The following ESRRB variants were observed in gnomAD, a reference collection of about 807,000 sequenced individuals.
The protein encoded by ESRRB is steroid hormone receptor ERR2.
A neutral mutation model predicts 46.0 loss-of-function variants in ESRRB; 16 were observed. That is an observed-to-expected ratio of 0.35 (90% CI 0.24 to 0.53). ESRRB has a LOEUF of 0.53. ESRRB is among the 20% of genes least tolerant of loss of function. The probability of loss-of-function intolerance (pLI) is 0.93; values close to 1 mark genes in which losing one functional copy is unlikely to be tolerated. For missense variants in ESRRB, 488 were observed against 607.4 expected (o/e 0.80, Z 2.07); for synonymous variants, 246 against 259.6 (o/e 0.95, Z 0.50).
At chr14:76,405,937 T>C (rs140961585) in intron 1 of ESRRB, among the ~76,000 whole-genome samples, 1 of 151,930 alleles carries the variant, frequency 6.6e-6, no homozygotes, top group Admixed American at 6.6e-5. Flanking sequence ...GGAAAGAAAA[T>C]CTAACCTATA....
At chr14:76,384,151 T>G (rs1885125980) in intron 1 of ESRRB, among the ~76,000 whole-genome samples, 1 of 152,142 alleles carries the variant, frequency 6.6e-6, no homozygotes, top group African/African-American at 2.4e-5. Context: ...AGCGCAGTAT[T>G]TATCCTCTTA....
chr14:76,446,692 C>A (rs151109431), intron 2 of ESRRB, among the ~76,000 whole-genome samples: 28 of 152,292 alleles, frequency 1.8e-4, no homozygotes, highest in African/African-American at 6.0e-4. Flanking sequence ...TAATATCTTT[C>A]TGGTTAGGAT....
At chr14:76,367,977 G>A (rs1305523115), upstream of ESRRB, among the ~76,000 whole-genome samples, 1 of 128,170 alleles carries the variant, frequency 7.8e-6, no homozygotes, top group Non-Finnish European at 1.6e-5. Context: ...TTTTGAGACG[G>A]AGTCTCGCTC....
upstream of ESRRB, among the ~76,000 whole-genome samples, chr14:76,374,268 G>A (rs184439854): frequency 1.3e-5 from 2 of 152,356 alleles, no homozygotes; most frequent in Admixed American, 6.5e-5. Flanking sequence ...TGAGGGAAGG[G>A]TGGAGGAGGG....
chr14:76,359,684 G>A (rs1433451074), intron 1 of ESRRB, among the ~76,000 whole-genome samples: 2 of 152,176 alleles, frequency 1.3e-5, no homozygotes, highest in African/African-American at 4.8e-5. Flanking sequence ...CCCACAGGGA[G>A]GAGGCAGAAT....
At chr14:76,485,319 C>A (rs1261621068) in intron 5 of ESRRB, among the ~76,000 whole-genome samples, 1 of 146,216 alleles carries the variant, frequency 6.8e-6, no homozygotes, top group South Asian at 2.2e-4. Flanking sequence ...CGGCTCACTG[C>A]AATCTCCTCC....
chr14:76,454,624 A>G (rs978721883), intron 2 of ESRRB, among the ~76,000 whole-genome samples: 2 of 152,068 alleles, frequency 1.3e-5, no homozygotes, highest in Admixed American at 6.6e-5. Context: ...GAACTATTAT[A>G]CTTACTGACA....
chr14:76,331,186 G>T (rs1017382687), intron 1 of ESRRB, among the ~76,000 whole-genome samples: 1 of 152,144 alleles, frequency 6.6e-6, no homozygotes, highest in East Asian at 1.9e-4. Flanking sequence ...CATTAGAAAT[G>T]ACTTCTGACC....
At chr14:76,419,946 C>T (rs1346498909) in intron 1 of ESRRB, among the ~76,000 whole-genome samples, 2 of 152,120 alleles carry the variant, frequency 1.3e-5, no homozygotes, top group Non-Finnish European at 2.9e-5. Context: ...GGGTCTGTCT[C>T]ATGGGTCAGG....
intron 5 of ESRRB, among the ~76,000 whole-genome samples, chr14:76,483,479 C>T (rs909652146): frequency 2.6e-5 from 4 of 152,182 alleles, no homozygotes; most frequent in Non-Finnish European, 4.4e-5. Context: ...GTGTGTGTTC[C>T]ATGTTTCAGG....
intron 1 of ESRRB, among the ~76,000 whole-genome samples, chr14:76,417,297 C>G (rs532697790): frequency 2.0e-5 from 3 of 152,180 alleles, no homozygotes; most frequent in South Asian, 4.2e-4. Flanking sequence ...TGCAAAGGCC[C>G]TGGGATGGTG....
chr14:76,490,461 T>G (rs572964758), intron 5 of ESRRB, among the ~76,000 whole-genome samples: 5 of 152,218 alleles, frequency 3.3e-5, no homozygotes, highest in African/African-American at 4.8e-5. Flanking sequence ...ACTTTGTATA[T>G]TCTGGAATCA....
chr14:76,338,448 A>G (rs1366143143), intron 1 of ESRRB, among the ~76,000 whole-genome samples: 1 of 152,202 alleles, frequency 6.6e-6, no homozygotes, highest in African/African-American at 2.4e-5. Context: ...GACATCTGTT[A>G]TTCATCAAAG....
chr14:76,355,127 G>A (rs1884364163), intron 1 of ESRRB, among the ~76,000 whole-genome samples: 1 of 152,198 alleles, frequency 6.6e-6, no homozygotes, highest in African/African-American at 2.4e-5. Context: ...TTCCTCCTCG[G>A]ATGGGTCTTT....
At chr14:76,490,310 A>G (rs1890174524) in intron 5 of ESRRB, among the ~76,000 whole-genome samples, 1 of 151,814 alleles carries the variant, frequency 6.6e-6, no homozygotes, top group Non-Finnish European at 1.5e-5. Context: ...TTATTTACTT[A>G]CTCTCTCTTA....
intron 2 of ESRRB, among the ~76,000 whole-genome samples, chr14:76,449,747 T>C (rs551853080): frequency 6.7e-6 from 1 of 148,686 alleles, no homozygotes; most frequent in South Asian, 2.1e-4. Flanking sequence ...CAATTTTCTC[T>C]CTTTTTTTCT....
At chr14:76,400,407 G>A (rs1396633260) in intron 1 of ESRRB, among the ~76,000 whole-genome samples, 5 of 152,224 alleles carry the variant, frequency 3.3e-5, no homozygotes, top group Admixed American at 2.6e-4. Flanking sequence ...TGAACAAAAT[G>A]AGGGAAATGA....
chr14:76,411,630 G>A (rs73316400), intron 1 of ESRRB, among the ~76,000 whole-genome samples: 8,246 of 152,206 alleles, frequency 0.054, 698 homozygotes, highest in African/African-American at 0.19. Context: ...GGAGGATGCT[G>A]GTGGCAGCAC....
chr14:76,324,963 C>CTTTTTTTTTTTTTTTTTTTT (rs34780208), intron 1 of ESRRB, among the ~76,000 whole-genome samples: 3 of 102,192 alleles, frequency 2.9e-5, no homozygotes, highest in African/African-American at 7.4e-5. Flanking sequence ...TTTTCTTTTT[C>CTTTTTTTTTTTTTTTTTTTT]TTTTTTTTTT....
Sources: allele counts gnomAD v4.1 joint callset (sites outside exome capture counted in the v4.1 genomes callset), GRCh38; gene constraint gnomAD v4.1.1; transcripts MANE v1.5; gene names NCBI Gene and HGNC (gene_info 2026-07-23, HGNC 2026-07-21).